KMT2D: variants seen among roughly 807,000 people sequenced by gnomAD.
KMT2D encodes the protein histone-lysine N-methyltransferase 2D.
KMT2D carries 55 observed loss-of-function variants against 512.7 expected under a neutral mutation model. The observed-to-expected ratio is 0.11, with a 90% CI of 0.09 to 0.13. The LOEUF (loss-of-function observed/expected upper bound fraction) is 0.13, where lower values mean the gene tolerates loss of function less well. Among genes scored for constraint, KMT2D ranks in the 10% least tolerant of loss-of-function variants. KMT2D has a pLI of 1.00. For missense variants in KMT2D, 6,061 were observed against 7,127.9 expected, an observed-to-expected ratio of 0.85 and a Z score of 5.39; for synonymous variants, 2,995 against 2,904.0, an observed-to-expected ratio of 1.03 and a Z score of -1.01.
Position 49,037,293 on chromosome 12 carries a change from G to A in KMT2D, c.10063C>T (p.His3355Tyr), listed in dbSNP as rs753134159. The change falls in exon 35 of 55, where the codon CAT becomes TAT. Residue 3355 changes from histidine to tyrosine, a missense_variant. Physicochemically the swap from His to Tyr is moderately conservative, Grantham distance 83. Transcript: ENST00000301067. Reference protein sequence around the residue: ...PSMAMVSNQGHMLSGQHGGQA... With the variant: ...PSMAMVSNQGYMLSGQHGGQA... ...CCTCCATGCTGCCCACTTAGCATATGCCCTTGATTGGACACCATAGCCATG... is the reference window on the plus strand; with the variant it reads ...CCTCCATGCTGCCCACTTAGCATATACCCTTGATTGGACACCATAGCCATG... 1.9e-6 allele frequency: 3 copies of A among 1,613,616 alleles called. 1 individual carries two copies. The South Asian group carries it at 3.3e-5, about 18-fold the overall frequency.
chr12:49,048,971 T>C, intron 13 of KMT2D, 134 bp downstream of exon 13: 3 of 704,806 alleles, frequency 4.3e-6, no homozygotes, highest in Non-Finnish European at 7.5e-6. Flanking sequence ...GCGGGCCAAG[T>C]GGACAGGAAT....
rs1565760461 is a variant in KMT2D at position 49,026,868 on chromosome 12, C to T, written c.15098G>A (p.Cys5033Tyr). The change falls in exon 49 of 55, where the codon TGT becomes TAT. Residue 5033 changes from cysteine (C) to tyrosine (Y), a missense_variant. Coordinates refer to ENST00000301067, the MANE Select transcript of KMT2D (RefSeq NM_003482.4). The surrounding 1 kb of genome is among the most constrained non-coding windows in gnomAD (Gnocchi z 9.6). ...CCCGTCACCCTCCTCATGACAGAAA[C>T]AGCAGCGACGCATGTCTCGCGGTAC... ...DKVPRDMRRCCFCHEEGDGAT... is the reference protein window; with the variant it reads ...DKVPRDMRRCYFCHEEGDGAT... The T allele has an allele frequency of 6.2e-7, 1 of 1,614,030 alleles. No individual in the cohort carries two copies. Among genetic ancestry groups the T allele is most frequent in the Non-Finnish European group, 8.5e-7 (1 of 1,179,898 alleles).
rs149655050 is a variant in KMT2D at position 49,019,753 on chromosome 12, T to C, written c.*2027A>G. The C allele has an allele frequency of 1.5e-4, 35 of 232,866 alleles. No individual in the cohort carries two copies. In the East Asian group the frequency reaches 1.9e-3, roughly 12 times the overall value. 14.4% of individuals were successfully genotyped at this position (232,866 alleles called of 1,614,324 possible). ...GTTCCTGTGGGAGTGGGGGCTGTTA[T>C]TCTCTTAAACATTTGCAGCTTGAAA... On this transcript the variant is annotated 3_prime_UTR_variant, in exon 55 of 55. Coordinates refer to ENST00000301067, the MANE Select transcript of KMT2D (RefSeq NM_003482.4).
In KMT2D at chr12:49,044,019, T is replaced by C. The variant is rs2120577369; in HGVS notation, c.5189-21A>G. The C allele has an allele frequency of 6.2e-7, 1 of 1,613,178 alleles. No individual in the cohort carries two copies. Among genetic ancestry groups the C allele is most frequent in the Non-Finnish European group, 8.5e-7 (1 of 1,179,310 alleles). ...TATCACTGTGGACAGAACGGAAGTGTCAGACTCGGGTTGAGAGCATGCTGC... is the reference window on the plus strand; with the variant it reads ...TATCACTGTGGACAGAACGGAAGTGCCAGACTCGGGTTGAGAGCATGCTGC... On this transcript the variant is annotated intron_variant, in intron 22 of 54. Coordinates refer to ENST00000301067, the MANE Select transcript of KMT2D (RefSeq NM_003482.4). The surrounding 1 kb of genome is among the most constrained non-coding windows in gnomAD (Gnocchi z 6.4).
chr12:49,025,719 T>C (rs1233982413), intron 49 of KMT2D, among the ~76,000 whole-genome samples: 1 of 152,192 alleles, frequency 6.6e-6, no homozygotes, highest in African/African-American at 2.4e-5. Context: ...ATGAACAAAA[T>C]AAACTACACA....
Position 49,037,578 on chromosome 12 carries a change from G to T in KMT2D, c.9778C>A (p.Leu3260Met), listed in dbSNP as rs776801280. Residue 3260 changes from leucine to methionine, a missense_variant, in exon 35 of 55, where the codon CTG becomes ATG. Physicochemically the swap from Leu to Met is conservative, Grantham distance 15. Coordinates refer to ENST00000301067, the MANE Select transcript of KMT2D (RefSeq NM_003482.4). The part of the protein sequence containing the change: ...EDLLEHEKKE[L>M]QKKQQLSAQL... ...GCTGAAAGCTGCTGCTTCTTCTGCA[G>T]CTCCTTCTTCTCATGCTCCAACAGG... 1 of 1,554,534 alleles carries T rather than the reference G, an allele frequency of 6.4e-7. No homozygotes were observed.
rs556913234 is a variant in KMT2D at position 49,034,397 on chromosome 12, G to C, written c.10507+13C>G. The C allele has an allele frequency of 3.7e-6, 6 of 1,613,460 alleles. No homozygotes were observed. The South Asian group carries it at 5.5e-5, about 15-fold the overall frequency. Reference sequence around the variant, plus strand: ...CCACTCCCCTGCACCTTCCTCCCACGCCCCATACTCACTGATCACTCCCTG... The same window carrying C: ...CCACTCCCCTGCACCTTCCTCCCACCCCCCATACTCACTGATCACTCCCTG... On this transcript the variant is annotated intron_variant, in intron 38 of 54. Transcript: ENST00000301067.
Position 49,054,069 on chromosome 12 carries a change from G to A in KMT2D, c.582C>T (p.His194=), listed in dbSNP as rs2120704027. ...CRSPGCPRLY[H]FPCATASGSF... The stretch of plus-strand genomic sequence containing the variant: ...AACCGCTGGCAGTCGCGCAGGGGAA[G>A]TGGTAAAGCCGTGGACATCCAGGTG... Residue 194 remains histidine (H), a synonymous_variant, in exon 6 of 55, where the codon CAC becomes CAT. Coordinates refer to ENST00000301067, the MANE Select transcript of KMT2D (RefSeq NM_003482.4). This position sits in a 1 kb window ranked among gnomAD's most constrained non-coding sequence, Gnocchi z 6.4. The A allele has an allele frequency of 6.2e-7, 1 of 1,613,928 alleles. No individual in the cohort carries two copies. The highest frequency in any genetic ancestry group is 8.5e-7 in the Non-Finnish European group (1 of 1,179,836).
rs1592146043 is a variant in KMT2D at position 49,046,355 on chromosome 12, T to A, written c.4488A>T (p.Thr1496=). ...CCAGGCTGGCACAGGGCCCACAGTG[T>A]GTGTAACTATTCTGCCATTCACAGT... ...GFHCEWQNSY[T]HCGPCASLVT... Residue 1496 remains threonine, a synonymous_variant, in exon 17 of 55, where the codon ACA becomes ACT. Coordinates refer to ENST00000301067, the MANE Select transcript of KMT2D (RefSeq NM_003482.4). The surrounding 1 kb of genome is among the most constrained non-coding windows in gnomAD (Gnocchi z 4.2). The A allele has an allele frequency of 6.2e-7, 1 of 1,613,976 alleles. No homozygotes were observed. Among genetic ancestry groups the A allele is most frequent in the East Asian group, 2.2e-5 (1 of 44,880 alleles).
At position 49,052,144 on chromosome 12, in the gene KMT2D, A is replaced by G; in HGVS notation, c.1539T>C (p.Ser513=). The G allele has an allele frequency of 6.2e-7, 1 of 1,611,314 alleles. No individual in the cohort carries two copies. ...GAGACAAGGGCGACTCCTCCAGTGG[A>G]GAAAAAGGTGATGATTCAGGTGGGG... ...LSPPPESSPF[S]PLEESPLSPP... is the part of the protein sequence containing the mutation. The change falls in exon 11 of 55, where the codon TCT becomes TCC. Residue 513 remains serine, a synonymous_variant. Transcript: ENST00000301067.
In KMT2D at chr12:49,054,092, G is replaced by A. The variant is rs773077415; in HGVS notation, c.559C>T (p.Pro187Ser). 5 of 1,613,638 alleles carry A rather than the reference G, an allele frequency of 3.1e-6. No homozygotes were observed. The highest frequency in any genetic ancestry group is 1.7e-4 in the Middle Eastern group (1 of 6,056). The change falls in exon 6 of 55, where the codon CCT becomes TCT. Residue 187 changes from proline to serine, a missense_variant. Coordinates refer to ENST00000301067, the MANE Select transcript of KMT2D (RefSeq NM_003482.4). The surrounding 1 kb of genome is among the most constrained non-coding windows in gnomAD (Gnocchi z 6.4). ...AAGTGGTAAAGCCGTGGACATCCAG[G>A]TGAGCGGCAAGGGATGGAGGCACCG... ...RLGASIPCRS[P>S]GCPRLYHFPC...
chr12:49,053,359 C>T, intron 7 of KMT2D, 38 bp from the exon 8 acceptor site: 2 of 1,465,576 alleles, frequency 1.4e-6, no homozygotes, highest in Non-Finnish European at 1.9e-6. Context: ...GTCCTCTCTG[C>T]CCTCATTTCC....
chr12:49,021,802 T>C lies in KMT2D; in HGVS notation c.16592A>G (p.Asn5531Ser). The change falls in exon 55 of 55, where the codon AAT (asparagine) becomes AGT (serine). Residue 5531 changes from asparagine to serine, a missense_variant. This residue lies in a region of KMT2D where 44 missense variants were observed against 194.7 expected (regional missense o/e 0.23). Coordinates refer to ENST00000301067, the MANE Select transcript of KMT2D (RefSeq NM_003482.4). ...HKIPCHCGAW[N>S]CRKWMN ...TTCTTAGTTCATCCATTTCCGACAATTCCAGGCTCCACAGTGGCAGGGGAT... is the reference window on the plus strand; with the variant it reads ...TTCTTAGTTCATCCATTTCCGACAACTCCAGGCTCCACAGTGGCAGGGGAT... 1 of 1,613,934 alleles carries C rather than the reference T, an allele frequency of 6.2e-7. No homozygotes were observed. The highest frequency in any genetic ancestry group is 8.5e-7 in the Non-Finnish European group (1 of 1,179,802).
At position 49,037,578 on chromosome 12, in the gene KMT2D, G is replaced by C; in HGVS notation, c.9778C>G (p.Leu3260Val). The C allele has an allele frequency of 6.4e-7, 1 of 1,554,534 alleles. No individual in the cohort carries two copies. The highest frequency in any genetic ancestry group is 1.4e-5 in the African/African-American group (1 of 73,300). Residue 3260 changes from leucine to valine, a missense_variant, in exon 35 of 55, where the codon CTG becomes GTG. Leu to Val is a conservative substitution (Grantham distance 32, BLOSUM62 1). Coordinates refer to ENST00000301067, the MANE Select transcript of KMT2D (RefSeq NM_003482.4). Reference sequence around the variant, plus strand: ...GCTGAAAGCTGCTGCTTCTTCTGCAGCTCCTTCTTCTCATGCTCCAACAGG... The same window carrying C: ...GCTGAAAGCTGCTGCTTCTTCTGCACCTCCTTCTTCTCATGCTCCAACAGG... ...EDLLEHEKKE[L>V]QKKQQLSAQL...
In KMT2D at chr12:49,033,674, C is replaced by T; in HGVS notation, c.11031G>A (p.Leu3677=). The T allele has an allele frequency of 6.2e-7, 1 of 1,613,716 alleles. No individual in the cohort carries two copies. Among genetic ancestry groups the T allele is most frequent in the Non-Finnish European group, 8.5e-7 (1 of 1,179,876 alleles). The change falls in exon 40 of 55, where the codon CTG becomes CTA. Residue 3677 remains leucine, a synonymous_variant. Transcript: ENST00000301067. ...QPGGPFLNTA[L]AQQQQQQHSG... ...AATGTTGCTGTTGCTGCTGTTGGGC[C>T]AGAGCTGTATTAAGGAAGGGGCCAC...
At position 49,050,564 on chromosome 12, in the gene KMT2D, T is replaced by C; in HGVS notation, c.3024A>G (p.Pro1008=). The change falls in exon 12 of 55, where the codon CCA becomes CCG. Residue 1008 remains proline (P), a synonymous_variant. Coordinates refer to ENST00000301067, the MANE Select transcript of KMT2D (RefSeq NM_003482.4). ...TCAGGATGGGAGAAGCCGGCCCCAC[T>C]GGGGAGCCTGGAGATGGGGGAAGGA... ...PMILPPSPGS[P]VGPASPILME... is the part of the protein sequence containing the mutation. 1 of 1,603,392 alleles carries C rather than the reference T, an allele frequency of 6.2e-7. No individual in the cohort carries two copies. Among genetic ancestry groups the C allele is most frequent in the Non-Finnish European group, 8.5e-7 (1 of 1,172,500 alleles).
chr12:49,039,267 C>T lies in KMT2D; in HGVS notation c.8321G>A (p.Arg2774Gln), dbSNP rs749475908. 7 of 1,613,574 alleles carry T rather than the reference C, an allele frequency of 4.3e-6. No individual in the cohort carries two copies. Among genetic ancestry groups the T allele is most frequent in the South Asian group, 1.1e-5 (1 of 91,090 alleles). ...GGAAGGCGTGGCTGGTGGAGGTGGCCGGGAGAGTCGGTCATCGCTAGGGAA... is the reference window on the plus strand; with the variant it reads ...GGAAGGCGTGGCTGGTGGAGGTGGCTGGGAGAGTCGGTCATCGCTAGGGAA... ...GSFPSDDRLS[R>Q]PPPPATPSSM... Residue 2774 changes from arginine (R) to glutamine (Q), a missense_variant, in exon 34 of 55, where the codon CGG becomes CAG. By Grantham distance (43) the Arg-to-Gln change is conservative (BLOSUM62 1). Around this residue, in one of 16 missense-constraint regions of KMT2D, gnomAD observed 527 missense variants for 578.9 expected, o/e 0.91. Coordinates refer to ENST00000301067, the MANE Select transcript of KMT2D (RefSeq NM_003482.4). This position sits in a 1 kb window ranked among gnomAD's most constrained non-coding sequence, Gnocchi z 5.0.
chr12:49,039,820 A>G lies in KMT2D; in HGVS notation c.7950T>C (p.Thr2650=). 6.2e-7 allele frequency: 1 copy of G among 1,613,992 alleles called. No homozygotes were observed. Among genetic ancestry groups the G allele is most frequent in the South Asian group, 1.1e-5 (1 of 91,074 alleles). Residue 2650 remains threonine (T), a synonymous_variant, in exon 32 of 55, where the codon ACT becomes ACC. Coordinates refer to ENST00000301067, the MANE Select transcript of KMT2D (RefSeq NM_003482.4). This position sits in a 1 kb window ranked among gnomAD's most constrained non-coding sequence, Gnocchi z 5.0. ...SPVEKREDPG[T]GMGSSLATAE... is the part of the protein sequence containing the mutation. The stretch of plus-strand genomic sequence containing the variant: ...CTGTCGCCAAAGAGCTACCCATTCC[A>G]GTCCCTGGGTCTTCTCGCTTTTCGA...
rs753471362 is a variant in KMT2D, at chr12:49,037,800, C to G, written c.9556G>C (p.Gly3186Arg). 1 of 1,596,870 alleles carries G rather than the reference C, an allele frequency of 6.3e-7. No individual in the cohort carries two copies. Among genetic ancestry groups the G allele is most frequent in the East Asian group, 2.3e-5 (1 of 44,054 alleles). Residue 3186 changes from glycine (G) to arginine (R), a missense_variant, in exon 35 of 55, where the codon GGG becomes CGG. Gly to Arg is a moderately radical substitution (Grantham distance 125). Around this residue, in one of 16 missense-constraint regions of KMT2D, gnomAD observed 533 missense variants for 539.6 expected, o/e 0.99. Transcript: ENST00000301067. ...TGAGCTGGTGGTCCTCCCGTGGCCC[C>G]AAAGGAGGCCTTCTCAGCTGTGTGC... ...SGHTAEKASFGATGGPPAHLL... is the reference protein window; with the variant it reads ...SGHTAEKASFRATGGPPAHLL...
Sources: gnomAD v4.1 joint callset for allele counts (sites outside exome capture counted in the v4.1 genomes callset) on GRCh38, gnomAD v4.1.1 for gene constraint, gnomAD v4.1.1 regional missense constraint, Gnocchi (gnomAD v3.1) non-coding constraint, MANE v1.5 for transcripts, NCBI Gene and HGNC (gene_info 2026-07-23, HGNC 2026-07-21) for gene names.